MRPS6: variants seen among roughly 807,000 people sequenced by gnomAD.
MRPS6 encodes small ribosomal subunit protein bS6m.
A neutral mutation model predicts 13.1 loss-of-function variants in MRPS6; 6 were observed. That is an observed-to-expected ratio of 0.46 (90% CI 0.25 to 0.91). The LOEUF (loss-of-function observed/expected upper bound fraction) is 0.91. MRPS6 is among the 40% of genes least tolerant of loss of function. The pLI, the probability that MRPS6 is intolerant of heterozygous loss-of-function variation, is 0.18. For missense variants in MRPS6, 164 were observed against 155.6 expected (o/e 1.05, Z -0.29); for synonymous variants, 61 against 56.5 (o/e 1.08, Z -0.36).
intron 1 of MRPS6, among the ~76,000 whole-genome samples, chr21:34,112,396 A>C (rs1376626556): frequency 2.0e-5 from 3 of 147,604 alleles, no homozygotes; most frequent in Non-Finnish European, 4.4e-5. Flanking sequence ...CAGAAGAAAG[A>C]CACGTTTATA....
chr21:34,122,891 TG>T (rs919901076), intron 1 of MRPS6: 2 of 152,194 alleles, frequency 1.3e-5, no homozygotes, highest in African/African-American at 4.8e-5. Context: ...GCGATGTCTT[TG>T]TGAACTATAA....
intron 1 of MRPS6, among the ~76,000 whole-genome samples, chr21:34,081,709 T>C (rs1369522416): frequency 6.6e-6 from 1 of 152,210 alleles, no homozygotes; most frequent in African/African-American, 2.4e-5. Context: ...AAAGTGGTTA[T>C]GTGACCTTGG....
chr21:34,116,136 G>A (rs1452242971), intron 1 of MRPS6, among the ~76,000 whole-genome samples: 1 of 151,570 alleles, frequency 6.6e-6, no homozygotes, highest in Non-Finnish European at 1.5e-5. Context: ...AGCTTCCTGA[G>A]TAGCTGGGTC....
chr21:34,092,928 T>C (rs1271274255), intron 1 of MRPS6, among the ~76,000 whole-genome samples: 1 of 152,186 alleles, frequency 6.6e-6, no homozygotes, highest in Non-Finnish European at 1.5e-5. Flanking sequence ...GGATGGCTGT[T>C]GGGTAGCAGA....
intron 1 of MRPS6, among the ~76,000 whole-genome samples, chr21:34,076,538 T>G (rs545751306): frequency 1.3e-5 from 2 of 152,244 alleles, no homozygotes; most frequent in Non-Finnish European, 2.9e-5. Flanking sequence ...GTATCTACTT[T>G]TGTACTTCCA....
intron 1 of MRPS6, among the ~76,000 whole-genome samples, chr21:34,084,389 G>C (rs961351503): frequency 6.6e-6 from 1 of 151,850 alleles, no homozygotes; most frequent in African/African-American, 2.4e-5. Context: ...CAAGTAGACT[G>C]AGAACAGAAA....
intron 1 of MRPS6, among the ~76,000 whole-genome samples, chr21:34,114,525 T>C (rs7277972): frequency 0.033 from 4,952 of 152,228 alleles, 227 homozygotes; most frequent in African/African-American, 0.096. Context: ...TTTTGAATCC[T>C]TAAGCCAATT....
chr21:34,142,698 T>C lies in MRPS6; in HGVS notation c.*98T>C. 3.7e-6 allele frequency: 5 copies of C among 1,352,216 alleles called. No individual in the cohort carries two copies. Among genetic ancestry groups the C allele is most frequent in the Non-Finnish European group, 3.9e-6 (4 of 1,034,566 alleles). The allele number at this position is 1,352,216 out of a possible 1,614,324, so 83.8% of individuals were successfully genotyped here. A position where few individuals can be genotyped will look rare whatever the true frequency, so the allele number is the denominator to read the frequency against. On this transcript the variant is annotated 3_prime_UTR_variant, in exon 3 of 3. Coordinates refer to ENST00000399312, the MANE Select transcript of MRPS6 (RefSeq NM_032476.4). ...TGCAAGTTTGGCCTTTATATAAGCATGTGTTGCAGGTGCTGTTTGATTTTT... is the reference window on the plus strand; with the variant it reads ...TGCAAGTTTGGCCTTTATATAAGCACGTGTTGCAGGTGCTGTTTGATTTTT...
chr21:34,126,356 G>A (rs942372447), intron 2 of MRPS6, among the ~76,000 whole-genome samples: 3 of 152,346 alleles, frequency 2.0e-5, no homozygotes, highest in East Asian at 1.9e-4. Context: ...GGTACAGTAC[G>A]TGTGATAGGG....
rs1556001318 is a variant in MRPS6, at chr21:34,073,602, G to A, written c.-99G>A. On this transcript the variant is annotated 5_prime_UTR_variant, in exon 1 of 3. Transcript: ENST00000399312. ...TGCTTTCGCCGCCTGGGAGCCGTCC[G>A]GCGCAGCAGTTTCTAGGTCCCCACT... is the stretch of plus-strand genomic sequence containing the variant. The A allele has an allele frequency of 3.7e-6, 4 of 1,072,658 alleles. No homozygotes were observed. The highest frequency in any genetic ancestry group is 2.8e-5 in the South Asian group (2 of 71,468). 66.4% of individuals were successfully genotyped at this position (1,072,658 alleles called of 1,614,324 possible).
rs11088274 is a variant in MRPS6, at chr21:34,103,730, A to G, written c.46-21611A>G. The G allele has an allele frequency of 5.0e-3, 4,957 of 1,000,040 alleles. 157 individuals carry two copies. In the African/African-American group the frequency reaches 0.073, roughly 15 times the overall value. The allele number at this position is 1,000,040 out of a possible 1,614,324, so 61.9% of individuals were successfully genotyped here. On this transcript the variant is annotated intron_variant, in intron 1 of 2. Transcript: ENST00000399312. Reference sequence around the variant, plus strand: ...ATTGATAAGCCCAAGACAATGCGGTATCTAAACTGGTCCTAATGGTAAGGG... The same window carrying G: ...ATTGATAAGCCCAAGACAATGCGGTGTCTAAACTGGTCCTAATGGTAAGGG...
chr21:34,094,643 C>T (rs2409515), intron 1 of MRPS6, among the ~76,000 whole-genome samples: 152,355 of 152,356 alleles, frequency 1, 76,177 homozygotes, highest in Middle Eastern at 1. Flanking sequence ...AGATGAATTT[C>T]TGTCCTCAGC....
intron 2 of MRPS6, among the ~76,000 whole-genome samples, chr21:34,126,514 G>A (rs560618046): frequency 7.9e-5 from 12 of 152,310 alleles, no homozygotes; most frequent in Admixed American, 2.0e-4. Flanking sequence ...TGCCTGAGGC[G>A]TTGCTAGGCA....
intron 2 of MRPS6, among the ~76,000 whole-genome samples, chr21:34,141,648 T>C (rs1396265032): frequency 1.3e-5 from 2 of 152,134 alleles, no homozygotes; most frequent in African/African-American, 2.4e-5. Context: ...TTTAGTCACA[T>C]AATGGTCCAA....
At chr21:34,134,988 T>C (rs1980637630) in intron 2 of MRPS6, among the ~76,000 whole-genome samples, 1 of 152,234 alleles carries the variant, frequency 6.6e-6, no homozygotes, top group Non-Finnish European at 1.5e-5. Flanking sequence ...GAAATGCGTA[T>C]ATTGTAAGTT....
intron 1 of MRPS6, chr21:34,122,587 T>G (rs1302525013): frequency 6.6e-6 from 1 of 152,124 alleles, no homozygotes; most frequent in East Asian, 1.9e-4. Flanking sequence ...GGGTAATGAG[T>G]TTTATACTGT....
chr21:34,114,573 A>G (rs1979829410), intron 1 of MRPS6, among the ~76,000 whole-genome samples: 1 of 152,078 alleles, frequency 6.6e-6, no homozygotes, highest in African/African-American at 2.4e-5. Context: ...AGACACCTTT[A>G]TTTTTAAAGC....
intron 2 of MRPS6, chr21:34,135,436 C>T (rs181957102): frequency 2.3e-4 from 106 of 455,132 alleles, no homozygotes; most frequent in African/African-American, 1.6e-3. Context: ...GGAAAATCAG[C>T]GGTTGGACTT....
At chr21:34,136,515 T>C (rs373454315) in intron 2 of MRPS6, among the ~76,000 whole-genome samples, 8 of 152,336 alleles carry the variant, frequency 5.3e-5, no homozygotes, top group African/African-American at 1.4e-4. Context: ...TATGGCACTT[T>C]AGTAGGTATC....
Sources: gnomAD v4.1 joint callset for allele counts (sites outside exome capture counted in the v4.1 genomes callset) on GRCh38, gnomAD v4.1.1 for gene constraint, MANE v1.5 for transcripts, NCBI Gene and HGNC (gene_info 2026-07-23, HGNC 2026-07-21) for gene names.